The following C9 variants were observed in gnomAD, a reference collection of about 807,000 sequenced individuals.
C9 encodes complement C9.
In C9, 63 loss-of-function variants were observed where a neutral mutation model predicts 65.4. The ratio of observed to expected loss-of-function variants is 0.96; its 90% CI spans 0.79 to 1.19. C9 has a LOEUF of 1.19. Among genes scored for constraint, C9 ranks in the 50% most tolerant of loss-of-function variants. The pLI is 0.00. For missense variants in C9, 744 were observed against 670.1 expected (o/e 1.11, Z -1.22); for synonymous variants, 229 against 227.9 (o/e 1.00, Z -0.04).
chr5:39,306,162 C>CACAA (rs1753371322), intron 9 of C9, among the ~76,000 whole-genome samples: 1 of 102,010 alleles, frequency 9.8e-6, no homozygotes, highest in Non-Finnish European at 1.9e-5. Flanking sequence ...GACTCTGTCT[C>CACAA]AAAAAAAAAA....
intron 9 of C9, among the ~76,000 whole-genome samples, chr5:39,297,685 G>T (rs1753209904): frequency 6.6e-6 from 1 of 151,594 alleles, no homozygotes. Flanking sequence ...AAATGTGTAT[G>T]CACCCAATGA....
At chr5:39,327,016 G>A (rs16868615) in intron 5 of C9, among the ~76,000 whole-genome samples, 4,563 of 152,114 alleles carry the variant, frequency 0.03, 212 homozygotes, top group African/African-American at 0.1. Context: ...TAAATAAAAG[G>A]GTGAGATAGC....
intron 5 of C9, among the ~76,000 whole-genome samples, chr5:39,327,688 T>C (rs921096984): frequency 1.3e-5 from 2 of 152,060 alleles, no homozygotes; most frequent in Admixed American, 1.3e-4. Context: ...CAGAGAGAGA[T>C]GTGGGCTGGA....
chr5:39,306,667 C>CA lies in C9; in HGVS notation c.1365dup (p.Val456CysfsTer9). The CA allele has an allele frequency of 3.1e-6, 5 of 1,613,808 alleles. No homozygotes were observed. Among genetic ancestry groups the CA allele is most frequent in the Non-Finnish European group, 4.2e-6 (5 of 1,179,786 alleles). ...TCATTTATGGAAGAGGCCCAGTTGA[C>CA]AAAGTCAGTCACATCAATCACGGTT... On this transcript the variant is annotated frameshift_variant, in exon 9 of 11. Coordinates refer to ENST00000263408, the MANE Select transcript of C9 (RefSeq NM_001737.5). LOFTEE classifies it high-confidence loss of function.
chr5:39,339,911 G>A (rs539176663), intron 4 of C9, among the ~76,000 whole-genome samples: 3 of 151,876 alleles, frequency 2.0e-5, no homozygotes, highest in South Asian at 4.2e-4. Context: ...CGCCCGCCTC[G>A]GCCTCCCAAA....
intron 7 of C9, among the ~76,000 whole-genome samples, chr5:39,310,364 G>T (rs1753459062): frequency 6.6e-6 from 1 of 152,046 alleles, no homozygotes. Context: ...CCTCCTTAAG[G>T]AATATTATAA....
chr5:39,359,102 G>GTGTGTGTGTGTATATATATA (rs1407613505), intron 1 of C9, among the ~76,000 whole-genome samples: 15 of 103,664 alleles, frequency 1.4e-4, no homozygotes, highest in Admixed American at 4.4e-4. Flanking sequence ...GTGTGTGTGT[G>GTGTGTGTGTGTATATATATA]TATATATATA....
chr5:39,364,285 GCCATGTGGATTAACATTGTCA>G, intron 1 of C9, 82 bp downstream of exon 1: 3 of 736,802 alleles, frequency 4.1e-6, no homozygotes, highest in Non-Finnish European at 5.0e-6. Context: ...TCTGTATATT[GCCATGTGGATTAACATTGTCA>G]TGTACTTTGC....
At chr5:39,350,286 C>T (rs974850075) in intron 1 of C9, among the ~76,000 whole-genome samples, 2 of 152,166 alleles carry the variant, frequency 1.3e-5, no homozygotes, top group Non-Finnish European at 2.9e-5. Flanking sequence ...CCGACAGGCT[C>T]CTCCTTGAAC....
At chr5:39,363,113 GA>G (rs1270972658) in intron 1 of C9, among the ~76,000 whole-genome samples, 2 of 152,204 alleles carry the variant, frequency 1.3e-5, no homozygotes, top group Non-Finnish European at 2.9e-5. Context: ...TTTAGCTTAA[GA>G]AAGGGTCAGG....
intron 4 of C9, among the ~76,000 whole-genome samples, chr5:39,333,595 C>T (rs1275635714): frequency 9.0e-5 from 7 of 77,758 alleles, no homozygotes; most frequent in South Asian, 4.9e-4. Context: ...TCTCCCTCTC[C>T]GTCTCCCTCT....
intron 5 of C9, among the ~76,000 whole-genome samples, chr5:39,323,901 A>T (rs1753705223): frequency 6.6e-6 from 1 of 152,150 alleles, no homozygotes; most frequent in Non-Finnish European, 1.5e-5. Context: ...TTATGTAAAA[A>T]ACCCTAAAGA....
intron 10 of C9, among the ~76,000 whole-genome samples, chr5:39,285,784 C>T (rs3114): frequency 0.43 from 64,512 of 150,446 alleles, 14,648 homozygotes; most frequent in East Asian, 0.64. Context: ...GGAGTAGAAA[C>T]GCACACAAGG....
intron 5 of C9, among the ~76,000 whole-genome samples, chr5:39,323,500 A>G (rs1287953919): frequency 6.6e-6 from 1 of 150,808 alleles, no homozygotes; most frequent in Non-Finnish European, 1.5e-5. Flanking sequence ...TCTAGGATGC[A>G]AAGATAGTTT....
At chr5:39,327,397 A>G (rs1753765938) in intron 5 of C9, among the ~76,000 whole-genome samples, 1 of 152,224 alleles carries the variant, frequency 6.6e-6, no homozygotes, top group Admixed American at 6.5e-5. Context: ...AGGCAGTGGC[A>G]GTGGGAATGG....
At chr5:39,356,749 CT>C (rs1754419321) in intron 1 of C9, among the ~76,000 whole-genome samples, 1 of 152,194 alleles carries the variant, frequency 6.6e-6, no homozygotes. Context: ...CATAGGTGAT[CT>C]TGAATAGCTT....
At chr5:39,331,353 A>G (rs1259827054) in intron 5 of C9, among the ~76,000 whole-genome samples, 1 of 152,220 alleles carries the variant, frequency 6.6e-6, no homozygotes, top group African/African-American at 2.4e-5. Context: ...AATAACAGCA[A>G]AACTCAAGTA....
intron 6 of C9, 52 bp downstream of exon 6, chr5:39,315,723 T>C: frequency 7.5e-7 from 1 of 1,330,176 alleles, no homozygotes; most frequent in Non-Finnish European, 1.1e-6. Context: ...ACTTAAAGAG[T>C]CTGGGTAGTT....
chr5:39,303,443 G>T (rs1396874772), intron 9 of C9, among the ~76,000 whole-genome samples: 2 of 151,820 alleles, frequency 1.3e-5, no homozygotes, highest in African/African-American at 4.8e-5. Context: ...CTACCTAACA[G>T]AGCATGGCTA....
Sources: gnomAD v4.1 joint callset for allele counts (sites outside exome capture counted in the v4.1 genomes callset) on GRCh38, gnomAD v4.1.1 for gene constraint, MANE v1.5 for transcripts, NCBI Gene and HGNC (gene_info 2026-07-23, HGNC 2026-07-21) for gene names.